WWC1: variants seen among roughly 807,000 people sequenced by gnomAD.
WWC1 encodes the protein WW and C2 domain containing 1.
A neutral mutation model predicts 138.4 loss-of-function variants in WWC1; 55 were observed. The ratio of observed to expected loss-of-function variants is 0.40; its 90% CI spans 0.32 to 0.50. WWC1 has a LOEUF of 0.50. Among genes scored for constraint, WWC1 ranks in the 20% least tolerant of loss-of-function variants. The pLI, the probability that WWC1 is intolerant of heterozygous loss-of-function variation, is 0.72. For synonymous variants in WWC1, 524 were observed against 564.9 expected (o/e 0.93, Z 1.03); for missense variants, 1,226 against 1,420.4 (o/e 0.86, Z 2.20).
intron 1 of WWC1, among the ~76,000 whole-genome samples, chr5:168,329,025 C>T (rs2337213): frequency 0.11 from 17,035 of 152,242 alleles, 1,302 homozygotes; most frequent in Non-Finnish European, 0.15. Context: ...TTTTCTGGCA[C>T]GAACAGGTGG....
At chr5:168,294,706 A>C (rs1769371704) in intron 1 of WWC1, among the ~76,000 whole-genome samples, 1 of 152,038 alleles carries the variant, frequency 6.6e-6, no homozygotes, top group South Asian at 2.1e-4. Context: ...GGCTCACTGC[A>C]AGTCTGCCTC....
intron 1 of WWC1, among the ~76,000 whole-genome samples, chr5:168,320,249 G>C (rs1045256632): frequency 6.6e-6 from 1 of 152,094 alleles, no homozygotes; most frequent in East Asian, 1.9e-4. Flanking sequence ...TGGCCAGGTT[G>C]GTTTCAAACT....
At chr5:168,353,944 C>T (rs928232621) in intron 1 of WWC1, among the ~76,000 whole-genome samples, 3 of 152,230 alleles carry the variant, frequency 2.0e-5, no homozygotes, top group African/African-American at 7.2e-5. Flanking sequence ...TGTGTGTTTA[C>T]TTCCAGCTGG....
intron 1 of WWC1, among the ~76,000 whole-genome samples, chr5:168,340,082 CTCTT>C (rs769719278): frequency 9.0e-5 from 13 of 145,166 alleles, no homozygotes; most frequent in Non-Finnish European, 1.8e-4. Context: ...CTTTCTCTCT[CTCTT>C]TCTTTCTTTT....
chr5:168,418,273 T>A (rs944166014), intron 9 of WWC1, among the ~76,000 whole-genome samples: 3 of 152,120 alleles, frequency 2.0e-5, no homozygotes, highest in African/African-American at 7.2e-5. Context: ...TGCCTCCCCC[T>A]CCTTCCCGAG....
intron 11 of WWC1, among the ~76,000 whole-genome samples, chr5:168,427,313 TC>T (rs1781576192): frequency 6.6e-6 from 1 of 152,186 alleles, no homozygotes; most frequent in Non-Finnish European, 1.5e-5. Flanking sequence ...ATTAAGGACT[TC>T]CCTTATAATG....
intron 2 of WWC1, among the ~76,000 whole-genome samples, chr5:168,374,376 T>C (rs576714633): frequency 3.2e-4 from 48 of 149,482 alleles, no homozygotes; most frequent in Admixed American, 9.4e-4. Context: ...AGAGTACCAT[T>C]AAATATGATG....
intron 1 of WWC1, among the ~76,000 whole-genome samples, chr5:168,352,756 G>C (rs776601501): frequency 4.0e-5 from 6 of 151,776 alleles, no homozygotes; most frequent in Non-Finnish European, 7.4e-5. Context: ...GCTAATTTTT[G>C]TATGTTTAGT....
intron 1 of WWC1, among the ~76,000 whole-genome samples, chr5:168,361,446 T>C (rs536970990): frequency 1.3e-5 from 2 of 152,320 alleles, no homozygotes; most frequent in African/African-American, 4.8e-5. Flanking sequence ...GGGAGCTTCA[T>C]AGTTCTCCAT....
At chr5:168,347,042 G>A (rs1360109921) in intron 1 of WWC1, among the ~76,000 whole-genome samples, 2 of 152,164 alleles carry the variant, frequency 1.3e-5, no homozygotes. Context: ...GATGGTTCCT[G>A]GATCATTCTG....
intron 3 of WWC1, among the ~76,000 whole-genome samples, chr5:168,391,183 C>T (rs1456000929): frequency 6.6e-6 from 1 of 152,204 alleles, no homozygotes; most frequent in South Asian, 2.1e-4. Context: ...TATTTTTCCC[C>T]TCCCTAGGCC....
At chr5:168,400,819 TGAGAGAGA>T (rs150418543) in intron 5 of WWC1, among the ~76,000 whole-genome samples, 4 of 103,198 alleles carry the variant, frequency 3.9e-5, no homozygotes, top group African/African-American at 1.4e-4. Context: ...CTTGAAAGAA[TGAGAGAGA>T]GAGAGAGAGA....
At position 168,414,753 on chromosome 5, in the gene WWC1, G is replaced by C. The variant is rs1352799781; in HGVS notation, c.1184+163G>C. ...GTTGCCGACATAGGAAATCAGGAAA[G>C]ATGGTTTGCCATCCAGTGCGCCAGC... is the stretch of plus-strand genomic sequence containing the variant. On this transcript the variant is annotated intron_variant, in intron 9 of 22. Transcript: ENST00000265293. 2.7e-6 allele frequency: 3 copies of C among 1,112,184 alleles called. No individual in the cohort carries two copies. In the African/African-American group the frequency reaches 4.7e-5, roughly 18 times the overall value. 68.9% of individuals were successfully genotyped at this position (1,112,184 alleles called of 1,614,324 possible). A position where few individuals can be genotyped will look rare whatever the true frequency, so the allele number is the denominator to read the frequency against.
At chr5:168,349,224 A>G (rs1423073170) in intron 1 of WWC1, among the ~76,000 whole-genome samples, 1 of 152,128 alleles carries the variant, frequency 6.6e-6, no homozygotes, top group African/African-American at 2.4e-5. Context: ...AGAGACCTGT[A>G]AGGTCATTCA....
chr5:168,398,938 AG>A lies in WWC1; in HGVS notation c.511-549del, dbSNP rs537768707. 8.5e-5 allele frequency among the ~76,000 whole-genome samples: 13 copies of A among 152,382 alleles called. No individual in the cohort carries two copies. In the East Asian group the frequency reaches 2.5e-3, roughly 29 times the overall value. ...TGACCTTTCTGAAGATTTGATTATT[AG>A]CAACTCATTTTAAAAGTTGAATAAT... On this transcript the variant is annotated intron_variant, in intron 4 of 22. Coordinates refer to ENST00000265293, the MANE Select transcript of WWC1 (RefSeq NM_015238.3).
rs1776296443 is a variant in WWC1, at chr5:168,366,446, A to AAT, written c.120-4977_120-4976dup. ...TTCCCCTGTGATCGCATCAAAGGGG[A>AAT]ATGAGAATATCAAACCCAAAGTGTT... On this transcript the variant is annotated intron_variant, in intron 1 of 22. Coordinates refer to ENST00000265293, the MANE Select transcript of WWC1 (RefSeq NM_015238.3). Among the ~76,000 whole-genome samples the AAT allele has an allele frequency of 5.9e-5, 9 of 152,268 alleles. No homozygotes were observed. The South Asian group carries it at 1.9e-3, about 32-fold the overall frequency.
intron 1 of WWC1, among the ~76,000 whole-genome samples, chr5:168,369,247 G>A (rs1321351706): frequency 1.3e-5 from 2 of 152,166 alleles, no homozygotes; most frequent in South Asian, 2.1e-4. Flanking sequence ...CACAAACATG[G>A]CCTTATTTAA....
rs536467085 is a variant in WWC1 at position 168,355,419 on chromosome 5, G to A, written c.120-16005G>A. 9.9e-5 allele frequency among the ~76,000 whole-genome samples: 15 copies of A among 150,948 alleles called. No individual in the cohort carries two copies. In the South Asian group the frequency reaches 1.9e-3, roughly 19 times the overall value. On this transcript the variant is annotated intron_variant, in intron 1 of 22. Coordinates refer to ENST00000265293, the MANE Select transcript of WWC1 (RefSeq NM_015238.3). ...TGAGGCAGGAGAATCTCTTGAACCC[G>A]GGAGGTAAAGGTTGCAGTGAGCTGA...
At chr5:168,388,056 T>A (rs1778178723) in intron 3 of WWC1, among the ~76,000 whole-genome samples, 1 of 152,120 alleles carries the variant, frequency 6.6e-6, no homozygotes, top group African/African-American at 2.4e-5. Flanking sequence ...TACAAATCAC[T>A]CACTAATTTC....
Sources: gnomAD v4.1 joint callset for allele counts (sites outside exome capture counted in the v4.1 genomes callset) on GRCh38, gnomAD v4.1.1 for gene constraint, MANE v1.5 for transcripts, NCBI Gene and HGNC (gene_info 2026-07-23, HGNC 2026-07-21) for gene names.